The following RGS3 variants were observed in gnomAD, a reference collection of about 807,000 sequenced individuals.
RGS3 encodes regulator of G-protein signalling 3.
RGS3 carries 80 observed loss-of-function variants against 132.6 expected under a neutral mutation model. The observed-to-expected ratio is 0.60, with a 90% CI of 0.50 to 0.73. The LOEUF (loss-of-function observed/expected upper bound fraction) is 0.73, where lower values mean the gene tolerates loss of function less well. Ranked by LOEUF, RGS3 falls within the 30% of genes least tolerant of loss-of-function variation. The pLI is 0.00. For missense variants in RGS3, 1,382 were observed against 1,530.8 expected, an observed-to-expected ratio of 0.90 and a Z score of 1.62; for synonymous variants, 598 against 620.6, an observed-to-expected ratio of 0.96 and a Z score of 0.54.
chr9:113,565,009 C>G lies in RGS3; in HGVS notation c.2038-18441C>G, dbSNP rs1256022147. 1 of 1,035,186 alleles carries G rather than the reference C, an allele frequency of 9.7e-7. No homozygotes were observed. The highest frequency in any genetic ancestry group is 1.2e-6 in the Non-Finnish European group (1 of 858,062). 64.1% of individuals were successfully genotyped at this position (1,035,186 alleles called of 1,614,324 possible). ...TGGAGGCGGCTTTGCGCTGCCCCAGCCTGGGAGCCCTCAGGATGTGTGTGG... is the reference window on the plus strand; with the variant it reads ...TGGAGGCGGCTTTGCGCTGCCCCAGGCTGGGAGCCCTCAGGATGTGTGTGG... On this transcript the variant is annotated intron_variant, in intron 19 of 24. Coordinates refer to ENST00000350696, the Ensembl canonical transcript of RGS3. This position sits in a 1 kb window ranked among gnomAD's most constrained non-coding sequence, Gnocchi z 5.7.
At chr9:113,512,365 T>C (rs1014987202) in intron 14 of RGS3, among the ~76,000 whole-genome samples, 1 of 152,166 alleles carries the variant, frequency 6.6e-6, no homozygotes, top group Non-Finnish European at 1.5e-5. Context: ...CCTGTGCCCA[T>C]CCAGGGCTCA....
chr9:113,592,858 A>G (rs558359095), intron 21 of RGS3: 2 of 152,334 alleles, frequency 1.3e-5, no homozygotes, highest in South Asian at 2.1e-4. Context: ...AAGAATAACC[A>G]TTAATGTTTA....
At chr9:113,561,014 C>T (rs1235946252) in intron 19 of RGS3, among the ~76,000 whole-genome samples, 1 of 152,134 alleles carries the variant, frequency 6.6e-6, no homozygotes, top group African/African-American at 2.4e-5. Context: ...CCTGACTTCT[C>T]TCTCTCTCTT....
chr9:113,537,962 A>G lies in RGS3; in HGVS notation c.2037+1044A>G, dbSNP rs1455906805. ...TGTGAACGTTCTCTTGTTTTACACT[A>G]GCTAGTGGCAAGAATAACTTGGATG... On this transcript the variant is annotated intron_variant, in intron 19 of 24. Coordinates refer to ENST00000350696, the Ensembl canonical transcript of RGS3. This position sits in a 1 kb window ranked among gnomAD's most constrained non-coding sequence, Gnocchi z 4.3. 6.6e-6 allele frequency among the ~76,000 whole-genome samples: 1 copy of G among 152,226 alleles called. No homozygotes were observed. The highest frequency in any genetic ancestry group is 1.5e-5 in the Non-Finnish European group (1 of 68,038).
chr9:113,593,677 G>A, intron 21 of RGS3: 1 of 546,606 alleles, frequency 1.8e-6, no homozygotes, highest in South Asian at 2.2e-5. Context: ...CCCTGTACAG[G>A]GGGTCTAGGG....
intron 17 of RGS3, among the ~76,000 whole-genome samples, chr9:113,523,577 G>A (rs1832064138): frequency 1.3e-5 from 2 of 152,120 alleles, no homozygotes; most frequent in African/African-American, 4.8e-5. Flanking sequence ...ATGGCCCTGC[G>A]GAGCCCAAGC....
chr9:113,525,116 G>C (rs1366034017), intron 17 of RGS3, among the ~76,000 whole-genome samples: 1 of 152,154 alleles, frequency 6.6e-6, no homozygotes, highest in Non-Finnish European at 1.5e-5. Flanking sequence ...CCCTTGGGTT[G>C]GTGTGGGAGA....
At chr9:113,509,481 ATTC>A (rs1283183135) in intron 14 of RGS3, among the ~76,000 whole-genome samples, 6 of 151,948 alleles carry the variant, frequency 3.9e-5, no homozygotes, top group Non-Finnish European at 5.9e-5. Flanking sequence ...TGCTGGATGG[ATTC>A]TTCTTCTTTG....
At position 113,565,988 on chromosome 9, in the gene RGS3, C is replaced by A. The variant is rs1316570839; in HGVS notation, c.2038-17462C>A. Among the ~76,000 whole-genome samples the A allele has an allele frequency of 2.0e-5, 3 of 151,738 alleles. No individual in the cohort carries two copies. The highest frequency in any genetic ancestry group is 7.3e-5 in the African/African-American group (3 of 41,254). On this transcript the variant is annotated intron_variant, in intron 19 of 24. Coordinates refer to ENST00000350696, the Ensembl canonical transcript of RGS3. The surrounding 1 kb of genome is among the most constrained non-coding windows in gnomAD (Gnocchi z 5.7). ...GGGATGCTTCCTCTGTTGGCTGCTC[C>A]CCACTTCTAGGCTGGACAGCCAGCT...
chr9:113,537,022 A>C lies in RGS3; in HGVS notation c.2037+104A>C. 2.6e-6 allele frequency: 3 copies of C among 1,151,360 alleles called. No individual in the cohort carries two copies. The highest frequency in any genetic ancestry group is 1.5e-5 in the South Asian group (1 of 68,458). 71.3% of individuals were successfully genotyped at this position (1,151,360 alleles called of 1,614,324 possible). On this transcript the variant is annotated intron_variant, in intron 19 of 24. Coordinates refer to ENST00000350696, the Ensembl canonical transcript of RGS3. This position sits in a 1 kb window ranked among gnomAD's most constrained non-coding sequence, Gnocchi z 4.3. ...AGCTGGGGGCCAGCCTGAGCTTCCA[A>C]CTTGGCTCTGGGCAATGAGCTCTTG...
chr9:113,574,582 G>A (rs907600703), intron 19 of RGS3, among the ~76,000 whole-genome samples: 6 of 152,364 alleles, frequency 3.9e-5, no homozygotes, highest in Non-Finnish European at 5.9e-5. Flanking sequence ...ATCCTGATGA[G>A]CCAAACAGGA....
chr9:113,536,654 T>C, intron 18 of RGS3, 142 bp from the exon 17 acceptor site: 4 of 1,493,476 alleles, frequency 2.7e-6, no homozygotes, highest in Admixed American at 2.1e-5. Flanking sequence ...TGGGGATTAG[T>C]GTGCATTTGC....
At chr9:113,541,873 G>A (rs1057249087) in intron 19 of RGS3, 9 of 986,450 alleles carry the variant, frequency 9.1e-6, no homozygotes, top group African/African-American at 3.5e-5. Flanking sequence ...TCATTCATTC[G>A]ATGGATATTT....
chr9:113,455,310 A>G (rs1030473657), upstream of RGS3, among the ~76,000 whole-genome samples: 2 of 152,148 alleles, frequency 1.3e-5, no homozygotes, highest in African/African-American at 2.4e-5. Context: ...ACAGAAGTCT[A>G]TATTGTTTTT....
chr9:113,505,519 TTC>T lies in RGS3; in HGVS notation c.976_977del (p.Ser326ArgfsTer20). ...CTCCAGTTCGAGTCCAGGCCGTGGA[TTC>T]CGGTAAGTTATTGACAGGGGGATGC... On this transcript the variant is annotated frameshift_variant and splice_region_variant, in exon 11 of 25. Transcript: ENST00000350696. LOFTEE classifies it high-confidence loss of function. The T allele has an allele frequency of 6.2e-7, 1 of 1,614,010 alleles. No homozygotes were observed. Among genetic ancestry groups the T allele is most frequent in the Non-Finnish European group, 8.5e-7 (1 of 1,179,870 alleles).
At chr9:113,505,805 GCAAGGGA>G (rs1299794078) in intron 11 of RGS3, among the ~76,000 whole-genome samples, 2 of 152,182 alleles carry the variant, frequency 1.3e-5, no homozygotes, top group African/African-American at 4.8e-5. Flanking sequence ...AGCAATGGCT[GCAAGGGA>G]AAATGAGAGT....
At chr9:113,577,771 G>A (rs1026591174) in intron 19 of RGS3, among the ~76,000 whole-genome samples, 7 of 152,142 alleles carry the variant, frequency 4.6e-5, no homozygotes, top group East Asian at 1.9e-4. Context: ...TCCACAGGGC[G>A]GCCTTCCCAA....
chr9:113,458,196 C>T (rs745730847), upstream of RGS3, among the ~76,000 whole-genome samples: 30 of 152,212 alleles, frequency 2.0e-4, no homozygotes, highest in Non-Finnish European at 3.1e-4. Context: ...GGATTACAGG[C>T]GTGAGCCACT....
At chr9:113,460,114 T>C, upstream of RGS3, 2 of 555,010 alleles carry the variant, frequency 3.6e-6, no homozygotes, top group Middle Eastern at 8.5e-4. Context: ...GTTTTCTGTA[T>C]ACATTTTGCC....
Sources: gnomAD v4.1 joint callset for allele counts (sites outside exome capture counted in the v4.1 genomes callset) on GRCh38, gnomAD v4.1.1 for gene constraint, Gnocchi (gnomAD v3.1) non-coding constraint, MANE v1.5 for transcripts, NCBI Gene and HGNC (gene_info 2026-07-23, HGNC 2026-07-21) for gene names.